The following SEMA3E variants were observed in gnomAD, a reference collection of about 807,000 sequenced individuals.
SEMA3E encodes semaphorin 3E.
In SEMA3E, 49 loss-of-function variants were observed where a neutral mutation model predicts 93.6. The ratio of observed to expected loss-of-function variants is 0.52; its 90% CI spans 0.42 to 0.66. The LOEUF (loss-of-function observed/expected upper bound fraction) is 0.66, where lower values mean the gene tolerates loss of function less well. Ranked by LOEUF, SEMA3E falls within the 30% of genes least tolerant of loss-of-function variation. The pLI, the probability that SEMA3E is intolerant of heterozygous loss-of-function variation, is 0.00. For synonymous variants in SEMA3E, 363 were observed against 330.7 expected, an observed-to-expected ratio of 1.10 and a Z score of -1.06; for missense variants, 906 against 964.8, an observed-to-expected ratio of 0.94 and a Z score of 0.81.
chr7:83,533,590 A>T, intron 1 of SEMA3E, among the ~76,000 whole-genome samples: 1 of 25,422 alleles, frequency 3.9e-5, no homozygotes, highest in African/African-American at 6.9e-5. Flanking sequence ...ATAAAATAAA[A>T]TAAAATAAAT....
intron 15 of SEMA3E, among the ~76,000 whole-genome samples, chr7:83,386,338 G>T (rs1182341647): frequency 2.6e-5 from 4 of 151,980 alleles, no homozygotes; most frequent in Non-Finnish European, 4.4e-5. Context: ...TTACTTCCTA[G>T]TGAGCTCAGT....
chr7:83,536,751 C>A (rs982419007), intron 1 of SEMA3E, among the ~76,000 whole-genome samples: 3 of 152,178 alleles, frequency 2.0e-5, no homozygotes, highest in African/African-American at 7.2e-5. Context: ...GTGACAGTGA[C>A]CTCATTGGCA....
At chr7:83,471,040 T>C (rs905769686) in intron 2 of SEMA3E, among the ~76,000 whole-genome samples, 8 of 151,852 alleles carry the variant, frequency 5.3e-5, no homozygotes, top group Non-Finnish European at 8.8e-5. Flanking sequence ...AATACATCAT[T>C]AGTTCTGTTA....
At chr7:83,418,601 C>A in intron 4 of SEMA3E, 118 bp from the exon 5 acceptor site, 2 of 753,202 alleles carry the variant, frequency 2.7e-6, no homozygotes, top group South Asian at 3.0e-5. Flanking sequence ...AAATAGAGCA[C>A]CAGTAGCATC....
intron 1 of SEMA3E, among the ~76,000 whole-genome samples, chr7:83,539,452 C>T (rs28435711): frequency 0.23 from 34,268 of 152,046 alleles, 4,032 homozygotes; most frequent in East Asian, 0.39. Flanking sequence ...CTATGTAGAG[C>T]GCCAATTTGT....
rs559930932 is a variant in SEMA3E at position 83,526,869 on chromosome 7, G to A, written c.116-36595C>T. Among the ~76,000 whole-genome samples, 7 of 152,246 alleles carry A rather than the reference G, an allele frequency of 4.6e-5. No homozygotes were observed. In the South Asian group the frequency reaches 1.0e-3, roughly 23 times the overall value. On this transcript the variant is annotated intron_variant, in intron 1 of 16. Transcript: ENST00000643230. ...GGAGGGTCCCAAGTAGTCTCATATTGTGGCTGCACGTGGATCAGCTCTGAC... is the reference window on the plus strand; with the variant it reads ...GGAGGGTCCCAAGTAGTCTCATATTATGGCTGCACGTGGATCAGCTCTGAC...
intron 4 of SEMA3E, among the ~76,000 whole-genome samples, chr7:83,448,708 A>G (rs1271346038): frequency 6.6e-6 from 1 of 152,212 alleles, no homozygotes; most frequent in Admixed American, 6.5e-5. Flanking sequence ...ACATTTCCAA[A>G]CTAAAGTAGA....
intron 4 of SEMA3E, among the ~76,000 whole-genome samples, chr7:83,453,679 T>C (rs998074010): frequency 6.6e-6 from 1 of 152,136 alleles, no homozygotes; most frequent in African/African-American, 2.4e-5. Context: ...CAGTAAAACA[T>C]TTCTATATAT....
At chr7:83,480,582 G>C (rs1790124726) in intron 2 of SEMA3E, among the ~76,000 whole-genome samples, 1 of 151,962 alleles carries the variant, frequency 6.6e-6, no homozygotes, top group South Asian at 2.1e-4. Flanking sequence ...AAAATAGCAA[G>C]ATATTTTGTA....
At chr7:83,385,835 C>T (rs1184990363) in intron 15 of SEMA3E, among the ~76,000 whole-genome samples, 1 of 152,146 alleles carries the variant, frequency 6.6e-6, no homozygotes, top group Non-Finnish European at 1.5e-5. Context: ...AATGCCACTA[C>T]ATAAACACAA....
At chr7:83,468,506 A>G (rs1179114084) in intron 3 of SEMA3E, among the ~76,000 whole-genome samples, 3 of 152,112 alleles carry the variant, frequency 2.0e-5, no homozygotes, top group African/African-American at 7.2e-5. Flanking sequence ...CCCAGCTGCT[A>G]CAGAGAATGA....
At chr7:83,621,704 C>G (rs948160979) in intron 1 of SEMA3E, among the ~76,000 whole-genome samples, 3 of 152,138 alleles carry the variant, frequency 2.0e-5, no homozygotes, top group Non-Finnish European at 4.4e-5. Flanking sequence ...CTACAACGAT[C>G]TGATCTTTGA....
chr7:83,549,013 G>A (rs1791707899), intron 1 of SEMA3E, among the ~76,000 whole-genome samples: 1 of 152,040 alleles, frequency 6.6e-6, no homozygotes, highest in African/African-American at 2.4e-5. Context: ...GAAGCCCAAA[G>A]GCCTGGCTAC....
chr7:83,416,970 T>C (rs956834140), intron 5 of SEMA3E, among the ~76,000 whole-genome samples: 1 of 142,270 alleles, frequency 7.0e-6, no homozygotes, highest in South Asian at 2.3e-4. Context: ...TTCCTTTTTT[T>C]AATACTCTGT....
chr7:83,396,488 T>C (rs939525483), intron 12 of SEMA3E, 150 bp downstream of exon 12: 23 of 584,882 alleles, frequency 3.9e-5, no homozygotes, highest in Non-Finnish European at 6.2e-5. Flanking sequence ...AACAGATGCA[T>C]TAGAATTTGA....
intron 1 of SEMA3E, among the ~76,000 whole-genome samples, chr7:83,549,658 T>G (rs1791720298): frequency 6.6e-6 from 1 of 152,086 alleles, no homozygotes; most frequent in African/African-American, 2.4e-5. Flanking sequence ...ATATTACTAT[T>G]AAAGATAAAC....
chr7:83,440,087 A>G (rs1789082387), intron 4 of SEMA3E, among the ~76,000 whole-genome samples: 1 of 152,162 alleles, frequency 6.6e-6, no homozygotes, highest in African/African-American at 2.4e-5. Context: ...TTTTTTTTCT[A>G]AATATTTTCC....
intron 1 of SEMA3E, among the ~76,000 whole-genome samples, chr7:83,531,355 TTTTTTTTC>T (rs1243905791): frequency 3.6e-5 from 5 of 138,570 alleles, no homozygotes; most frequent in East Asian, 2.0e-4. Flanking sequence ...TTTTTTTTTT[TTTTTTTTC>T]CGAGATGGAG....
At chr7:83,579,058 A>G (rs893163798) in intron 1 of SEMA3E, among the ~76,000 whole-genome samples, 9 of 152,134 alleles carry the variant, frequency 5.9e-5, no homozygotes, top group African/African-American at 1.7e-4. Context: ...ATTAAGATGT[A>G]TAGATTTCAA....
Sources: allele counts gnomAD v4.1 joint callset (sites outside exome capture counted in the v4.1 genomes callset), GRCh38; gene constraint gnomAD v4.1.1; transcripts MANE v1.5; gene names NCBI Gene and HGNC (gene_info 2026-07-23, HGNC 2026-07-21).